Variants in TMEM161B observed in about 807,000 individuals in gnomAD.
The protein encoded by TMEM161B is transmembrane protein 161B.
A neutral mutation model predicts 61.8 loss-of-function variants in TMEM161B; 34 were observed. That is an observed-to-expected ratio of 0.55 (90% CI 0.42 to 0.73). The LOEUF (loss-of-function observed/expected upper bound fraction) is 0.73. Among genes scored for constraint, TMEM161B ranks in the 30% least tolerant of loss-of-function variants. The probability of loss-of-function intolerance (pLI) is 0.00; values close to 1 mark genes in which losing one functional copy is unlikely to be tolerated. For synonymous variants in TMEM161B, 167 were observed against 192.8 expected (o/e 0.87, Z 1.11); for missense variants, 456 against 558.5 (o/e 0.82, Z 1.85).
At chr5:88,191,647 T>C (rs1332646733), downstream of TMEM161B, among the ~76,000 whole-genome samples, 4 of 151,908 alleles carry the variant, frequency 2.6e-5, no homozygotes, top group African/African-American at 9.7e-5. Context: ...CACAGAGAAA[T>C]CAGTTATCAG....
At chr5:88,240,432 C>T (rs537226626) in intron 2 of TMEM161B, among the ~76,000 whole-genome samples, 11 of 151,596 alleles carry the variant, frequency 7.3e-5, no homozygotes, top group African/African-American at 2.7e-4. Flanking sequence ...GTTTTCAGTG[C>T]CCACAGACCG....
chr5:88,211,768 CAAAAAAAA>C (rs61376905), intron 5 of TMEM161B, among the ~76,000 whole-genome samples: 5 of 116,564 alleles, frequency 4.3e-5, no homozygotes, highest in Non-Finnish European at 7.3e-5. Flanking sequence ...GAACTCCATC[CAAAAAAAA>C]AAAAAAAAAG....
intron 9 of TMEM161B, chr5:88,201,756 AG>A (rs1376379799): frequency 6.5e-6 from 1 of 154,526 alleles, no homozygotes; most frequent in Non-Finnish European, 1.4e-5. Flanking sequence ...TTCAATACTT[AG>A]GGAATCTGTC....
intron 2 of TMEM161B, among the ~76,000 whole-genome samples, chr5:88,237,594 A>G (rs973889325): frequency 2.6e-5 from 4 of 152,120 alleles, no homozygotes; most frequent in African/African-American, 9.7e-5. Context: ...GTTGTAACAT[A>G]TCACCACACC....
intron 1 of TMEM161B, among the ~76,000 whole-genome samples, chr5:88,242,202 A>G (rs1410667849): frequency 1.3e-5 from 2 of 151,432 alleles, no homozygotes; most frequent in Non-Finnish European, 1.5e-5. Flanking sequence ...CACTGTTTCC[A>G]TTTTCTCATA....
chr5:88,229,520 G>A (rs1750627536), intron 2 of TMEM161B, among the ~76,000 whole-genome samples: 1 of 150,230 alleles, frequency 6.7e-6, no homozygotes, highest in Non-Finnish European at 1.5e-5. Flanking sequence ...CAGAAAGGTG[G>A]ACCACCTTTA....
intron 2 of TMEM161B, among the ~76,000 whole-genome samples, chr5:88,240,469 G>A (rs922530143): frequency 4.0e-5 from 6 of 151,830 alleles, no homozygotes; most frequent in African/African-American, 1.4e-4. Flanking sequence ...GGGGTGGGAG[G>A]ACTGAATTCT....
intron 2 of TMEM161B, among the ~76,000 whole-genome samples, chr5:88,231,501 T>C (rs1750979842): frequency 6.6e-6 from 1 of 152,254 alleles, no homozygotes; most frequent in Non-Finnish European, 1.5e-5. Flanking sequence ...GAAAAGATTT[T>C]ATGGCTTTCT....
chr5:88,262,593 A>T (rs1311631349), intron 1 of TMEM161B, among the ~76,000 whole-genome samples: 3 of 152,192 alleles, frequency 2.0e-5, no homozygotes, highest in Non-Finnish European at 4.4e-5. Flanking sequence ...TGAGCTATGA[A>T]AAGACAGAGA....
intron 7 of TMEM161B, 31 bp from the exon 8 acceptor site, chr5:88,205,985 A>C (rs575154353): frequency 1.4e-6 from 2 of 1,439,148 alleles, no homozygotes; most frequent in Non-Finnish European, 1.9e-6. Flanking sequence ...AAAGCTGATA[A>C]ATTTTTATAA....
chr5:88,186,756 G>A (rs139253487), downstream of TMEM161B, among the ~76,000 whole-genome samples: 45 of 151,718 alleles, frequency 3.0e-4, no homozygotes, highest in African/African-American at 9.4e-4. Flanking sequence ...ATGGTGAAAC[G>A]TCTCTACTAA....
chr5:88,267,923 A>C (rs573980328), intron 1 of TMEM161B, among the ~76,000 whole-genome samples: 277 of 152,298 alleles, frequency 1.8e-3, no homozygotes, highest in African/African-American at 6.3e-3. Context: ...CCTCAGTCTG[A>C]AACAACATAT....
Position 88,240,430 on chromosome 5 carries a change from T to A in TMEM161B, c.107+383A>T, listed in dbSNP as rs1419665125. 2.6e-5 allele frequency among the ~76,000 whole-genome samples: 4 copies of A among 151,748 alleles called. No homozygotes were observed. In the South Asian group the frequency reaches 8.3e-4, roughly 31 times the overall value. On this transcript the variant is annotated intron_variant, in intron 2 of 11. Coordinates refer to ENST00000296595, the MANE Select transcript of TMEM161B (RefSeq NM_153354.5). ...TTAGAAAAATATGTGGTGTTTTCAG[T>A]GCCCACAGACCGAAAAAGAAAGAAG...
In TMEM161B at chr5:88,245,502, C is replaced by G. The variant is rs1753474009; in HGVS notation, c.4-4586G>C. ...TTTTGTAAACAATGGCAACATCAACCTAGCTTTGAAAGAACTAACAGCATT... is the reference window on the plus strand; with the variant it reads ...TTTTGTAAACAATGGCAACATCAACGTAGCTTTGAAAGAACTAACAGCATT... On this transcript the variant is annotated intron_variant, in intron 1 of 11. Transcript: ENST00000296595. Among the ~76,000 whole-genome samples, 4 of 151,994 alleles carry G rather than the reference C, an allele frequency of 2.6e-5. No homozygotes were observed. The South Asian group carries it at 8.3e-4, about 31-fold the overall frequency.
chr5:88,197,854 T>C (rs1313651146), intron 10 of TMEM161B, 89 bp from the exon 11 acceptor site: 1 of 1,038,746 alleles, frequency 9.6e-7, no homozygotes, highest in Non-Finnish European at 1.4e-6. Flanking sequence ...CCAAAATACT[T>C]AAGAGATAAT....
intron 1 of TMEM161B, among the ~76,000 whole-genome samples, chr5:88,268,260 C>T (rs1477223356): frequency 6.6e-6 from 1 of 152,156 alleles, no homozygotes; most frequent in Non-Finnish European, 1.5e-5. Flanking sequence ...AGGGGACTAC[C>T]GTTTCTTTAA....
chr5:88,268,756 T>G lies in TMEM161B; in HGVS notation c.-33A>C. The G allele has an allele frequency of 6.2e-7, 1 of 1,613,954 alleles. No individual in the cohort carries two copies. The highest frequency in any genetic ancestry group is 8.5e-7 in the Non-Finnish European group (1 of 1,179,914). On this transcript the variant is annotated 5_prime_UTR_variant, in exon 1 of 12. Transcript: ENST00000296595. The stretch of plus-strand genomic sequence containing the variant: ...AGGATAGGTCGTGGACCAGACACCC[T>G]GGAGTTGCCGGGGCAGTCCCAAACC...
At chr5:88,237,755 TA>T (rs1008904396) in intron 2 of TMEM161B, among the ~76,000 whole-genome samples, 12 of 151,890 alleles carry the variant, frequency 7.9e-5, no homozygotes, top group Middle Eastern at 3.4e-3. Flanking sequence ...AAGAACAGTC[TA>T]AAAAAAATAC....
chr5:88,216,861 A>C (rs769943861), intron 5 of TMEM161B, among the ~76,000 whole-genome samples: 1 of 152,178 alleles, frequency 6.6e-6, no homozygotes, highest in Non-Finnish European at 1.5e-5. Flanking sequence ...ACAATTAGTA[A>C]GTAAGTAAAT....
Sources: allele counts gnomAD v4.1 joint callset (sites outside exome capture counted in the v4.1 genomes callset), GRCh38; gene constraint gnomAD v4.1.1; transcripts MANE v1.5; gene names NCBI Gene and HGNC (gene_info 2026-07-23, HGNC 2026-07-21).